The following KCNIP4 variants were observed in gnomAD, a reference collection of about 807,000 sequenced individuals.
The protein encoded by KCNIP4 is Kv channel-interacting protein 4.
KCNIP4 carries 12 observed loss-of-function variants against 34.0 expected under a neutral mutation model. The observed-to-expected ratio is 0.35, with a 90% CI of 0.23 to 0.57. The LOEUF (loss-of-function observed/expected upper bound fraction) is 0.57, where lower values mean the gene tolerates loss of function less well. Among genes scored for constraint, KCNIP4 ranks in the 20% least tolerant of loss-of-function variants. The probability of loss-of-function intolerance (pLI) is 0.83; values close to 1 mark genes in which losing one functional copy is unlikely to be tolerated. For synonymous variants in KCNIP4, 124 were observed against 102.2 expected (o/e 1.21, Z -1.29); for missense variants, 238 against 311.7 (o/e 0.76, Z 1.78).
chr4:21,519,865 A>T (rs1009963472), intron 1 of KCNIP4, among the ~76,000 whole-genome samples: 10 of 100,350 alleles, frequency 1.0e-4, no homozygotes, highest in African/African-American at 2.6e-4. Flanking sequence ...ATATTTATTT[A>T]TATATATAAA....
At position 21,121,687 on chromosome 4, in the gene KCNIP4, T is replaced by C. The variant is rs974079672; in HGVS notation, c.62-238978A>G. ...AAAATACAATCATGTAAAGGAGAAG[T>C]AAGTGAGATATTGCATACAAAACAA... On this transcript the variant is annotated intron_variant, in intron 1 of 8. Transcript: ENST00000382152. 5.9e-5 allele frequency among the ~76,000 whole-genome samples: 9 copies of C among 152,218 alleles called. No individual in the cohort carries two copies. The East Asian group carries it at 1.3e-3, about 23-fold the overall frequency.
At chr4:21,748,602 C>T (rs1191351042) in intron 1 of KCNIP4, among the ~76,000 whole-genome samples, 3 of 151,922 alleles carry the variant, frequency 2.0e-5, no homozygotes, top group African/African-American at 4.8e-5. Context: ...TCATGAAGAC[C>T]GAATTTATAC....
chr4:20,904,329 G>GTA (rs71655609), intron 1 of KCNIP4, among the ~76,000 whole-genome samples: 36,773 of 144,430 alleles, frequency 0.25, 4,875 homozygotes, highest in East Asian at 0.31. Context: ...ATGTGTGTGT[G>GTA]TGTATATATA....
chr4:20,951,492 T>G (rs573234310), intron 1 of KCNIP4, among the ~76,000 whole-genome samples: 1 of 152,186 alleles, frequency 6.6e-6, no homozygotes, highest in Admixed American at 6.5e-5. Context: ...GTAAAAGATA[T>G]TTTTTAAGTC....
chr4:21,429,653 C>G (rs548005215), intron 1 of KCNIP4, among the ~76,000 whole-genome samples: 6 of 152,232 alleles, frequency 3.9e-5, no homozygotes, highest in Admixed American at 3.9e-4. Flanking sequence ...ATTTAGTGTT[C>G]TGGATTTTGG....
chr4:21,317,410 G>GA (rs953827474), intron 1 of KCNIP4, among the ~76,000 whole-genome samples: 6 of 151,580 alleles, frequency 4.0e-5, no homozygotes, highest in African/African-American at 9.7e-5. Flanking sequence ...CTTATTTTGA[G>GA]AAAAAAAGGT....
At chr4:21,817,892 T>C (rs1478452899) in intron 1 of KCNIP4, among the ~76,000 whole-genome samples, 2 of 152,202 alleles carry the variant, frequency 1.3e-5, no homozygotes, top group East Asian at 1.9e-4. Flanking sequence ...CTTTTGCCCT[T>C]TGCCCTGTGA....
At chr4:21,428,991 A>C (rs1726179295) in intron 1 of KCNIP4, among the ~76,000 whole-genome samples, 1 of 152,192 alleles carries the variant, frequency 6.6e-6, no homozygotes, top group African/African-American at 2.4e-5. Context: ...ATTATCACCC[A>C]AAGTCCACAG....
chr4:21,829,453 G>A (rs1258694735), intron 1 of KCNIP4, among the ~76,000 whole-genome samples: 1 of 151,930 alleles, frequency 6.6e-6, no homozygotes, highest in Non-Finnish European at 1.5e-5. Context: ...TAACTAGTAG[G>A]AGAATACAAA....
In KCNIP4 at chr4:20,756,998, T is replaced by C. The variant is rs576370053; in HGVS notation, c.358+1823A>G. The stretch of plus-strand genomic sequence containing the variant: ...TCAAATCTCTATCTCTTTCTCTGAC[T>C]TGTCCTCTGAGCCTCACATTTGTGC... On this transcript the variant is annotated intron_variant, in intron 4 of 8. Coordinates refer to ENST00000382152, the MANE Select transcript of KCNIP4 (RefSeq NM_025221.6). Among the ~76,000 whole-genome samples the C allele has an allele frequency of 4.2e-4, 64 of 152,262 alleles. 1 individual carries two copies. Among genetic ancestry groups the C allele is most frequent in the African/African-American group, 1.4e-3 (60 of 41,562 alleles).
At chr4:21,204,384 T>C (rs1216699243) in intron 1 of KCNIP4, among the ~76,000 whole-genome samples, 1 of 152,136 alleles carries the variant, frequency 6.6e-6, no homozygotes, top group Non-Finnish European at 1.5e-5. Context: ...CAGCATAGAT[T>C]TAAAGATCAA....
intron 1 of KCNIP4, among the ~76,000 whole-genome samples, chr4:21,504,135 G>A (rs1000570241): frequency 1.1e-4 from 17 of 151,370 alleles, no homozygotes; most frequent in African/African-American, 3.4e-4. Context: ...TATATTGCAC[G>A]TCTGTACCCA....
intron 1 of KCNIP4, among the ~76,000 whole-genome samples, chr4:21,807,072 A>C (rs1348219549): frequency 6.6e-6 from 1 of 152,066 alleles, no homozygotes; most frequent in Non-Finnish European, 1.5e-5. Flanking sequence ...ATCAGGCATT[A>C]GATTCTCATA....
At chr4:21,021,024 G>A (rs918755009) in intron 1 of KCNIP4, among the ~76,000 whole-genome samples, 4 of 152,112 alleles carry the variant, frequency 2.6e-5, no homozygotes, top group Admixed American at 6.5e-5. Context: ...TGAAGATCAC[G>A]GAGTGTACTT....
intron 1 of KCNIP4, among the ~76,000 whole-genome samples, chr4:20,984,305 G>A (rs1736375605): frequency 6.6e-6 from 1 of 152,216 alleles, no homozygotes; most frequent in East Asian, 1.9e-4. Context: ...AAACTTGCCC[G>A]GGAGAACACC....
intron 1 of KCNIP4, among the ~76,000 whole-genome samples, chr4:21,069,708 A>G (rs747474278): frequency 6.6e-6 from 1 of 152,196 alleles, no homozygotes; most frequent in Non-Finnish European, 1.5e-5. Flanking sequence ...AGAAATTTGG[A>G]TGTAGAGCAA....
chr4:21,591,960 C>A (rs1191442304), intron 1 of KCNIP4, among the ~76,000 whole-genome samples: 1 of 151,958 alleles, frequency 6.6e-6, no homozygotes, highest in African/African-American at 2.4e-5. Context: ...CATTGAAAGC[C>A]ACAAATACAG....
At chr4:21,330,557 A>C (rs1042860579) in intron 1 of KCNIP4, among the ~76,000 whole-genome samples, 1 of 152,200 alleles carries the variant, frequency 6.6e-6, no homozygotes, top group African/African-American at 2.4e-5. Flanking sequence ...AGGTACAGAA[A>C]AGCTTTGTGT....
intron 1 of KCNIP4, among the ~76,000 whole-genome samples, chr4:21,010,636 T>G (rs1385392848): frequency 6.6e-6 from 1 of 152,178 alleles, no homozygotes; most frequent in African/African-American, 2.4e-5. Context: ...GGACAGATAA[T>G]AGACTAATAA....
Sources: gnomAD v4.1 joint callset for allele counts (sites outside exome capture counted in the v4.1 genomes callset) on GRCh38, gnomAD v4.1.1 for gene constraint, MANE v1.5 for transcripts, NCBI Gene and HGNC (gene_info 2026-07-23, HGNC 2026-07-21) for gene names.